NBPF9: variants seen among roughly 807,000 people sequenced by gnomAD.
NBPF9 encodes NBPF member 9, also known as NBPF family member NBPF9.
In NBPF9, 91 loss-of-function variants were observed where a neutral mutation model predicts 97.8. That is an observed-to-expected ratio of 0.93 (90% CI 0.79 to 1.11). NBPF9 has a LOEUF of 1.11. NBPF9 is among the 50% of genes least tolerant of loss of function. The pLI is 0.00. For missense variants in NBPF9, 992 were observed against 939.5 expected, an observed-to-expected ratio of 1.06 and a Z score of -0.73; for synonymous variants, 334 against 359.5, an observed-to-expected ratio of 0.93 and a Z score of 0.80.
At chr1:149,058,722 T>A in intron 26 of NBPF9, 4 of 435,912 alleles carry the variant, frequency 9.2e-6, no homozygotes, top group Non-Finnish European at 1.6e-5. Context: ...GGCTGGAGAC[T>A]AGGAATAGAG....
intron 18 of NBPF9, 193 bp from the exon 19 acceptor site, chr1:149,064,675 G>T (rs1358020623): frequency 1.6e-6 from 1 of 610,588 alleles, no homozygotes; most frequent in Non-Finnish European, 2.9e-6. Flanking sequence ...ATGAGCCTTG[G>T]GCAAAATTCC....
chr1:149,086,403 C>A (rs2081005736), intron 5 of NBPF9, among the ~76,000 whole-genome samples: 1 of 149,340 alleles, frequency 6.7e-6, no homozygotes, highest in Non-Finnish European at 1.5e-5. Flanking sequence ...GCATTCTTAA[C>A]AGGAGCCATT....
At chr1:149,062,378 C>A (rs1212837425) in intron 21 of NBPF9, 113 bp from the exon 22 acceptor site, 7 of 660,510 alleles carry the variant, frequency 1.1e-5, no homozygotes, top group African/African-American at 5.8e-5. Flanking sequence ...AAGGACAGAT[C>A]CATTAATGAG....
chr1:149,076,440 G>A lies in NBPF9; in HGVS notation c.779-576C>T, dbSNP rs376355637. On this transcript the variant is annotated intron_variant, in intron 11 of 29. Transcript: ENST00000584027. ...TCGAACTCCTGAGCTCAGGTGTTCC[G>A]CCCACCTCGGCCTCCCAAAGTGTTG... Among the ~76,000 whole-genome samples the A allele has an allele frequency of 8.0e-4, 120 of 150,578 alleles. 2 individuals carry two copies. The Middle Eastern group carries it at 0.01, about 13-fold the overall frequency.
exon 7 of NBPF9, chr1:149,082,169 C>T: frequency 1.2e-6 from 2 of 1,611,974 alleles, no homozygotes; most frequent in South Asian, 1.1e-5. Flanking sequence ...GAGGTGGGGC[C>T]AGGGACTGGG....
chr1:149,079,274 T>C (rs1331341318), intron 8 of NBPF9, 53 bp from the exon 9 acceptor site: 81 of 1,198,116 alleles, frequency 6.8e-5, no homozygotes, highest in African/African-American at 1.2e-4. Context: ...GAGTGATCCG[T>C]TCAAATATTG....
downstream of NBPF9, among the ~76,000 whole-genome samples, chr1:149,052,191 T>C (rs3188490): frequency 6.5e-4 from 98 of 151,264 alleles, no homozygotes; most frequent in East Asian, 7.3e-3. Flanking sequence ...CAGAGTTAGG[T>C]AAAGTGTTCT....
intron 5 of NBPF9, among the ~76,000 whole-genome samples, chr1:149,089,133 G>A (rs868989983): frequency 0.015 from 2,291 of 152,242 alleles, 42 homozygotes; most frequent in African/African-American, 0.053. Flanking sequence ...TCTGACAGCA[G>A]GGAGGGCAAA....
At chr1:149,084,553 C>T (rs1221061463) in intron 5 of NBPF9, among the ~76,000 whole-genome samples, 5 of 149,522 alleles carry the variant, frequency 3.3e-5, no homozygotes, top group South Asian at 2.1e-4. Context: ...CCAGCCCAGG[C>T]GGCCCCAGCA....
At chr1:149,087,828 C>T (rs1393345822) in intron 5 of NBPF9, among the ~76,000 whole-genome samples, 20 of 88,512 alleles carry the variant, frequency 2.3e-4, no homozygotes, top group Middle Eastern at 8.6e-3. Context: ...GTTGACTTTC[C>T]TTTTTTTTTT....
chr1:149,065,357 G>T, intron 18 of NBPF9, 169 bp downstream of exon 18: 1 of 803,542 alleles, frequency 1.2e-6, no homozygotes. Flanking sequence ...CCCACCCCAT[G>T]CCTGTGCTTC....
exon 9 of NBPF9, chr1:149,079,219 T>A: frequency 1.2e-6 from 1 of 815,158 alleles, no homozygotes. Context: ...GACTTTATAT[T>A]GCCTAAGGTG....
intron 5 of NBPF9, among the ~76,000 whole-genome samples, chr1:149,085,022 C>T (rs1210834355): frequency 6.6e-6 from 1 of 151,832 alleles, no homozygotes; most frequent in East Asian, 1.9e-4. Flanking sequence ...GTACTGACCT[C>T]CTTTGTTCCT....
Position 149,082,271 on chromosome 1 carries a change from C to A in NBPF9, c.-36+1G>T, listed in dbSNP as rs3969644. 183 of 1,476,774 alleles carry A rather than the reference C, an allele frequency of 1.2e-4. No homozygotes were observed. The highest frequency in any genetic ancestry group is 3.3e-4 in the East Asian group (14 of 42,312). The allele number at this position is 1,476,774 out of a possible 1,614,324, so 91.5% of individuals were successfully genotyped here. On this transcript the variant is annotated splice_donor_variant, in intron 6 of 29. Transcript: ENST00000584027. LOFTEE classifies it low-confidence loss of function (5UTR_SPLICE). Reference sequence around the variant, plus strand: ...GGGATGTCAGTAACTGAAATTCTTACCTTACTGTTGTGAAAAATGTGATCA... The same window carrying A: ...GGGATGTCAGTAACTGAAATTCTTAACTTACTGTTGTGAAAAATGTGATCA...
At chr1:149,057,793 T>A (rs1206366177) in intron 27 of NBPF9, among the ~76,000 whole-genome samples, 9 of 96,506 alleles carry the variant, frequency 9.3e-5, no homozygotes, top group African/African-American at 3.1e-4. Flanking sequence ...CAGTGAATTG[T>A]CCAGGTGACA....
At chr1:149,093,347 A>C (rs1171766224) in intron 4 of NBPF9, among the ~76,000 whole-genome samples, 4 of 151,832 alleles carry the variant, frequency 2.6e-5, no homozygotes, top group Admixed American at 1.3e-4. Context: ...AGGGACGAGC[A>C]GGAGACAGAT....
intron 23 of NBPF9, 91 bp from the exon 24 acceptor site, chr1:149,060,786 G>A: frequency 2.8e-6 from 1 of 362,502 alleles, no homozygotes. Context: ...TAGGGAAGTG[G>A]TTAAAAAACT....
chr1:149,082,174 A>T, exon 7 of NBPF9: 3 of 1,611,904 alleles, frequency 1.9e-6, no homozygotes, highest in Non-Finnish European at 2.5e-6. Context: ...GGGGCCAGGG[A>T]CTGGGGAGAA....
chr1:149,063,973 A>T (rs1266693343), intron 19 of NBPF9, among the ~76,000 whole-genome samples, 168 bp from the exon 20 acceptor site: 1 of 132,556 alleles, frequency 7.5e-6, no homozygotes, highest in Non-Finnish European at 1.6e-5. Context: ...AGGGCCAGGT[A>T]GAAAAGGATG....
Sources: allele counts gnomAD v4.1 joint callset (sites outside exome capture counted in the v4.1 genomes callset), GRCh38; gene constraint gnomAD v4.1.1; transcripts MANE v1.5; gene names NCBI Gene and HGNC (gene_info 2026-07-23, HGNC 2026-07-21).